The following FOXP2 variants were observed in gnomAD, a reference collection of about 807,000 sequenced individuals.
FOXP2 encodes the protein forkhead box P2, also known as forkhead box protein P2.
FOXP2 carries 12 observed loss-of-function variants against 115.8 expected under a neutral mutation model. The ratio of observed to expected loss-of-function variants is 0.10; its 90% CI spans 0.07 to 0.17. FOXP2 has a LOEUF of 0.17. Among genes scored for constraint, FOXP2 ranks in the 10% least tolerant of loss-of-function variants. The probability of loss-of-function intolerance (pLI) is 1.00; values close to 1 mark genes in which losing one functional copy is unlikely to be tolerated. For missense variants in FOXP2, 629 were observed against 843.5 expected (o/e 0.75, Z 3.15); for synonymous variants, 328 against 297.7 (o/e 1.10, Z -1.05).
chr7:114,173,815 C>T (rs1316321709), intron 1 of FOXP2, among the ~76,000 whole-genome samples: 1 of 151,686 alleles, frequency 6.6e-6, no homozygotes, highest in African/African-American at 2.4e-5. Flanking sequence ...TTTCTAGTGC[C>T]AGAATGATTT....
intron 1 of FOXP2, among the ~76,000 whole-genome samples, chr7:114,107,239 T>C (rs976547307): frequency 6.6e-6 from 1 of 152,036 alleles, no homozygotes; most frequent in African/African-American, 2.4e-5. Flanking sequence ...AGTAGCTTTC[T>C]GTTTTTATAA....
intron 2 of FOXP2, among the ~76,000 whole-genome samples, chr7:114,347,889 C>T (rs1268922690): frequency 6.6e-6 from 1 of 151,936 alleles, no homozygotes; most frequent in Non-Finnish European, 1.5e-5. Flanking sequence ...AAAAATCTTG[C>T]CAATTAAGAA....
intron 1 of FOXP2, among the ~76,000 whole-genome samples, chr7:114,219,292 T>A (rs1794560270): frequency 6.6e-6 from 1 of 152,148 alleles, no homozygotes; most frequent in African/African-American, 2.4e-5. Context: ...ATAAGGTCGA[T>A]TTCAACAACA....
At chr7:114,435,488 G>A (rs1794300463) in intron 2 of FOXP2, among the ~76,000 whole-genome samples, 1 of 152,112 alleles carries the variant, frequency 6.6e-6, no homozygotes, top group South Asian at 2.1e-4. Context: ...GAATAGGTAG[G>A]CTAGATATAG....
chr7:114,186,373 G>T (rs1011566210), intron 1 of FOXP2, among the ~76,000 whole-genome samples: 2 of 152,104 alleles, frequency 1.3e-5, no homozygotes, highest in Non-Finnish European at 2.9e-5. Context: ...TATTTCAAAA[G>T]GGAGAAATAG....
chr7:114,675,668 A>T (rs1005609053), intron 16 of FOXP2, among the ~76,000 whole-genome samples: 6 of 152,166 alleles, frequency 3.9e-5, no homozygotes, highest in Non-Finnish European at 8.8e-5. Context: ...AGTACTGAAG[A>T]TTGTAGATGG....
intron 2 of FOXP2, among the ~76,000 whole-genome samples, chr7:114,378,495 G>A (rs934955064): frequency 6.6e-6 from 1 of 151,566 alleles, no homozygotes; most frequent in African/African-American, 2.4e-5. Context: ...ACCAGTCTGG[G>A]CAACATAAGG....
chr7:114,223,145 G>A (rs575588317), intron 1 of FOXP2, among the ~76,000 whole-genome samples: 3 of 152,144 alleles, frequency 2.0e-5, no homozygotes, highest in Admixed American at 6.6e-5. Context: ...AGCAGTCACA[G>A]GGTACACATG....
intron 6 of FOXP2, among the ~76,000 whole-genome samples, chr7:114,635,240 A>G (rs1805153726): frequency 6.6e-6 from 1 of 152,194 alleles, no homozygotes; most frequent in African/African-American, 2.4e-5. Flanking sequence ...ATGCTTATGG[A>G]AGTCTAAGTA....
chr7:114,512,088 T>A (rs1798105745), intron 2 of FOXP2, among the ~76,000 whole-genome samples: 1 of 152,134 alleles, frequency 6.6e-6, no homozygotes, highest in South Asian at 2.1e-4. Context: ...AATTTGGATA[T>A]TCTTTTTTGT....
chr7:114,612,309 G>A (rs1803673256), intron 3 of FOXP2, among the ~76,000 whole-genome samples: 1 of 130,198 alleles, frequency 7.7e-6, no homozygotes, highest in Non-Finnish European at 1.6e-5. Flanking sequence ...CCCTCATGTG[G>A]GAAGAATAAC....
At chr7:114,393,416 G>A (rs1230004022) in intron 2 of FOXP2, among the ~76,000 whole-genome samples, 2 of 152,030 alleles carry the variant, frequency 1.3e-5, no homozygotes, top group African/African-American at 4.8e-5. Context: ...CAGAGCCCAA[G>A]CAGAGTAAGG....
At chr7:114,474,045 A>G (rs1170077899) in intron 2 of FOXP2, among the ~76,000 whole-genome samples, 1 of 152,202 alleles carries the variant, frequency 6.6e-6, no homozygotes, top group Non-Finnish European at 1.5e-5. Flanking sequence ...TCTTTAAAGT[A>G]AACTTTCTCT....
chr7:114,547,745 C>T (rs1037570435), intron 3 of FOXP2, among the ~76,000 whole-genome samples: 3 of 151,518 alleles, frequency 2.0e-5, no homozygotes, highest in Non-Finnish European at 2.9e-5. Context: ...GGCAACAGAG[C>T]GAGACGTCGT....
intron 1 of FOXP2, among the ~76,000 whole-genome samples, chr7:114,227,086 A>C (rs1794764053): frequency 6.6e-6 from 1 of 152,144 alleles, no homozygotes; most frequent in Non-Finnish European, 1.5e-5. Flanking sequence ...CAGTCAAACA[A>C]ATTTTAATAA....
chr7:114,264,575 G>A (rs1795848513), intron 1 of FOXP2, among the ~76,000 whole-genome samples: 1 of 152,120 alleles, frequency 6.6e-6, no homozygotes, highest in South Asian at 2.1e-4. Flanking sequence ...CATATTACCT[G>A]TAGTACTTTA....
chr7:114,274,782 G>T (rs1452492782), intron 1 of FOXP2, among the ~76,000 whole-genome samples: 1 of 150,790 alleles, frequency 6.6e-6, no homozygotes, highest in African/African-American at 2.4e-5. Flanking sequence ...TGCCCGACTA[G>T]TTTTTTTATG....
chr7:114,222,359 G>A (rs1469702867), intron 1 of FOXP2, among the ~76,000 whole-genome samples: 2 of 151,966 alleles, frequency 1.3e-5, no homozygotes, highest in Non-Finnish European at 2.9e-5. Context: ...CATGTAGCCC[G>A]GGCTGTTCTT....
intron 1 of FOXP2, among the ~76,000 whole-genome samples, chr7:114,285,928 T>C (rs2129175659): frequency 6.6e-6 from 1 of 152,062 alleles, no homozygotes; most frequent in East Asian, 1.9e-4. Flanking sequence ...CTGAAAATTT[T>C]CATTTTTTTA....
Sources: gnomAD v4.1 joint callset for allele counts (sites outside exome capture counted in the v4.1 genomes callset) on GRCh38, gnomAD v4.1.1 for gene constraint, MANE v1.5 for transcripts, NCBI Gene and HGNC (gene_info 2026-07-23, HGNC 2026-07-21) for gene names.